Variants in RAB3A observed in about 807,000 individuals in gnomAD.
The protein encoded by RAB3A is RAB3A, member RAS oncogene family.
In RAB3A, 5 loss-of-function variants were observed where a neutral mutation model predicts 19.7. That is an observed-to-expected ratio of 0.25 (90% confidence interval 0.13 to 0.53). RAB3A has a LOEUF of 0.53. RAB3A is among the 20% of genes least tolerant of loss of function. The pLI is 0.95. For missense variants in RAB3A, 189 were observed against 305.6 expected (o/e 0.62, Z 2.85); for synonymous variants, 119 against 122.1 (o/e 0.97, Z 0.17).
intron 4 of RAB3A, among the ~76,000 whole-genome samples, chr19:18,198,040 GCCT>G (rs1204589632): frequency 6.6e-6 from 1 of 152,066 alleles, no homozygotes; most frequent in East Asian, 1.9e-4. Context: ...AGCGCACCTG[GCCT>G]CCTGCCCTTC....
At chr19:18,203,543 T>A (rs1967643361) in intron 1 of RAB3A, among the ~76,000 whole-genome samples, 1 of 151,936 alleles carries the variant, frequency 6.6e-6, no homozygotes, top group Non-Finnish European at 1.5e-5. Context: ...CACGAGCATA[T>A]CCAGGTACAC....
chr19:18,200,174 T>C (rs1169993390), intron 3 of RAB3A, among the ~76,000 whole-genome samples, 153 bp downstream of exon 3: 1 of 151,994 alleles, frequency 6.6e-6, no homozygotes, highest in East Asian at 1.9e-4. Flanking sequence ...TCCCAGCTAC[T>C]TGGGAGGCTG....
intron 2 of RAB3A, 63 bp from the exon 3 acceptor site, chr19:18,200,508 G>T: frequency 7.4e-7 from 1 of 1,352,228 alleles, no homozygotes. Context: ...GAGGAAATGA[G>T]CTCTGATATC....
intron 2 of RAB3A, 74 bp from the exon 3 acceptor site, chr19:18,200,519 A>C: frequency 3.1e-5 from 39 of 1,272,256 alleles, no homozygotes; most frequent in Non-Finnish European, 4.0e-5. Context: ...CTCTGATATC[A>C]TCCAGTTCAG....
Position 18,202,093 on chromosome 19 carries a change from C to T in RAB3A, c.228+420G>A, listed in dbSNP as rs866356710. 2.6e-5 allele frequency among the ~76,000 whole-genome samples: 4 copies of T among 152,014 alleles called. No homozygotes were observed. The highest frequency in any genetic ancestry group is 4.4e-5 in the Non-Finnish European group (3 of 68,008). On this transcript the variant is annotated intron_variant, in intron 2 of 4. Transcript: ENST00000222256. This position sits in a 1 kb window ranked among gnomAD's most constrained non-coding sequence, Gnocchi z 4.2. ...TACAAAAAAGAAAAAAATCAGCAGG[C>T]GTGGTGGTAGAAGCCCGTGGTCCTA...
intron 3 of RAB3A, among the ~76,000 whole-genome samples, chr19:18,199,287 G>C (rs1015633109): frequency 4.6e-5 from 7 of 151,846 alleles, no homozygotes; most frequent in Admixed American, 2.0e-4. Context: ...CTCCTAAGTA[G>C]CTGGGACTAT....
chr19:18,200,329 G>A lies in RAB3A; in HGVS notation c.345C>T (p.Asp115=). 2.5e-6 allele frequency: 4 copies of A among 1,602,854 alleles called. No homozygotes were observed. The highest frequency in any genetic ancestry group is 2.6e-6 in the Non-Finnish European group (3 of 1,170,624). Residue 115 remains aspartate (D), a splice_region_variant and synonymous_variant, in exon 3 of 5, where the codon GAC becomes GAT. Transcript: ENST00000222256. The part of the protein sequence containing the change: ...TNEESFNAVQ[D]WSTQIKTYSW... Reference sequence around the variant, plus strand: ...AAGAGCAAGTGGGGTACACTCACCAGTCCTGCACTGCATTGAAGGATTCCT... The same window carrying A: ...AAGAGCAAGTGGGGTACACTCACCAATCCTGCACTGCATTGAAGGATTCCT...
chr19:18,197,039 T>C lies in RAB3A; in HGVS notation c.*431A>G. On this transcript the variant is annotated 3_prime_UTR_variant, in exon 5 of 5. Coordinates refer to ENST00000222256, the MANE Select transcript of RAB3A (RefSeq NM_002866.5). ...CACAGGGAAACCCCCAACAGCGGCC[T>C]CGGCCCACCGCGGCAGAGCCGAGGG... The C allele has an allele frequency of 1.1e-5, 2 of 175,046 alleles. No individual in the cohort carries two copies. Among genetic ancestry groups the C allele is most frequent in the East Asian group, 1.6e-4 (1 of 6,100 alleles). 10.8% of individuals were successfully genotyped at this position (175,046 alleles called of 1,614,324 possible). A position where few individuals can be genotyped will look rare whatever the true frequency, so the allele number is the denominator to read the frequency against.
In RAB3A at chr19:18,198,881, G is replaced by T. The variant is rs758577374; in HGVS notation, c.348-32C>A. 6 of 1,606,342 alleles carry T rather than the reference G, an allele frequency of 3.7e-6. No homozygotes were observed. The East Asian group carries it at 1.3e-4, about 36-fold the overall frequency. ...GAGGCACCAATGGGGGCAGGTCAGG[G>T]CTTGGAGGATCCCAGCTCCACCCTG... is the stretch of plus-strand genomic sequence containing the variant. On this transcript the variant is annotated intron_variant, in intron 3 of 4. Transcript: ENST00000222256.
At chr19:18,201,778 T>C (rs17683539) in intron 2 of RAB3A, among the ~76,000 whole-genome samples, 44,324 of 151,666 alleles carry the variant, frequency 0.29, 6,928 homozygotes, top group Non-Finnish European at 0.34. Flanking sequence ...AGGAGAAAAA[T>C]CAAGCCAGAT....
intron 4 of RAB3A, 23 bp from the exon 5 acceptor site, chr19:18,197,683 T>A: frequency 2.5e-6 from 4 of 1,590,564 alleles, no homozygotes; most frequent in Non-Finnish European, 2.6e-6. Context: ...AAGGCAGGGA[T>A]GAGGACCCTG....
rs1357850646 is a variant in RAB3A at position 18,203,993 on chromosome 19, G to C, written c.-98C>G. The C allele has an allele frequency of 6.3e-6, 1 of 157,788 alleles. No individual in the cohort carries two copies. The highest frequency in any genetic ancestry group is 6.5e-5 in the Admixed American group (1 of 15,322). 9.8% of individuals were successfully genotyped at this position (157,788 alleles called of 1,614,324 possible). On this transcript the variant is annotated 5_prime_UTR_variant, in exon 1 of 5. Coordinates refer to ENST00000222256, the MANE Select transcript of RAB3A (RefSeq NM_002866.5). The stretch of plus-strand genomic sequence containing the variant: ...GTGCGTTGATGTGGGGCTGCGCGGC[G>C]GCGGCGGCAGCAGCGGCTCAGGCCC...
intron 4 of RAB3A, 31 bp from the exon 5 acceptor site, chr19:18,197,691 C>G: frequency 6.4e-7 from 1 of 1,570,066 alleles, no homozygotes; most frequent in South Asian, 1.1e-5. Flanking sequence ...GATGAGGACC[C>G]TGGCCACGCC....
chr19:18,201,264 AAAGAAAG>A (rs1967607061), intron 2 of RAB3A, among the ~76,000 whole-genome samples: 1 of 76,778 alleles, frequency 1.3e-5, no homozygotes, highest in Non-Finnish European at 2.8e-5. Flanking sequence ...AAAAAAAAAA[AAAGAAAG>A]AAAGAAAGAA....
chr19:18,197,024 C>G lies in RAB3A; in HGVS notation c.*446G>C, dbSNP rs1164847638. On this transcript the variant is annotated 3_prime_UTR_variant, in exon 5 of 5. Transcript: ENST00000222256. ...GATCCCCATGGTCCACACAGGGAAA[C>G]CCCCAACAGCGGCCTCGGCCCACCG... is the stretch of plus-strand genomic sequence containing the variant. 1 of 173,328 alleles carries G rather than the reference C, an allele frequency of 5.8e-6. No homozygotes were observed. Among genetic ancestry groups the G allele is most frequent in the East Asian group, 1.7e-4 (1 of 5,992 alleles). 10.7% of individuals were successfully genotyped at this position (173,328 alleles called of 1,614,324 possible).
At chr19:18,203,722 A>G (rs1329752431) in intron 1 of RAB3A, among the ~76,000 whole-genome samples, 174 bp downstream of exon 1, 1 of 152,104 alleles carries the variant, frequency 6.6e-6, no homozygotes, top group Non-Finnish European at 1.5e-5. Context: ...AGTGGTGAGG[A>G]TCAGGCAGGA....
At chr19:18,198,254 G>A (rs755010943) in intron 4 of RAB3A, among the ~76,000 whole-genome samples, 12 of 152,072 alleles carry the variant, frequency 7.9e-5, no homozygotes, top group Non-Finnish European at 1.6e-4. Flanking sequence ...GGCCCTCTGT[G>A]ATCGGCCACA....
At chr19:18,203,192 C>A (rs541682899) in intron 1 of RAB3A, among the ~76,000 whole-genome samples, 2 of 152,334 alleles carry the variant, frequency 1.3e-5, no homozygotes, top group Non-Finnish European at 2.9e-5. Context: ...CCGGAGAGCT[C>A]CGGCCAAGGC....
chr19:18,201,294 A>AGAAAGAAAGAAAG (rs1967608111), intron 2 of RAB3A, among the ~76,000 whole-genome samples: 1 of 145,874 alleles, frequency 6.9e-6, no homozygotes, highest in East Asian at 2.1e-4. Context: ...AAAGAAAGAA[A>AGAAAGAAAGAAAG]ACAGAGGCCA....
Sources: allele counts gnomAD v4.1 joint callset (sites outside exome capture counted in the v4.1 genomes callset), GRCh38; gene constraint gnomAD v4.1.1; non-coding constraint Gnocchi (gnomAD v3.1); transcripts MANE v1.5; gene names NCBI Gene and HGNC (gene_info 2026-07-23, HGNC 2026-07-21).